The following CAPZA2 variants were observed in gnomAD, a reference collection of about 807,000 sequenced individuals.
CAPZA2 encodes F-actin-capping protein subunit alpha-2.
A neutral mutation model predicts 44.0 loss-of-function variants in CAPZA2; 13 were observed. The ratio of observed to expected loss-of-function variants is 0.30; its 90% CI spans 0.19 to 0.47. The LOEUF is 0.47. Ranked by LOEUF, CAPZA2 falls within the 20% of genes least tolerant of loss-of-function variation. The pLI, the probability that CAPZA2 is intolerant of heterozygous loss-of-function variation, is 1.00. For missense variants in CAPZA2, 244 were observed against 338.6 expected (o/e 0.72, Z 2.19); for synonymous variants, 94 against 108.2 (o/e 0.87, Z 0.81).
chr7:116,891,994 C>A (rs1562960321), intron 2 of CAPZA2, among the ~76,000 whole-genome samples: 1 of 152,124 alleles, frequency 6.6e-6, no homozygotes, highest in Non-Finnish European at 1.5e-5. Context: ...CCCTGTTGTT[C>A]AAATGAATTA....
chr7:116,885,322 C>A (rs898631156), intron 1 of CAPZA2, among the ~76,000 whole-genome samples: 11 of 151,598 alleles, frequency 7.3e-5, no homozygotes, highest in African/African-American at 2.4e-4. Context: ...GGACAAAACA[C>A]CTATGTTTTT....
Position 116,919,671 on chromosome 7 carries a change from C to T in CAPZA2, c.*1804C>T, listed in dbSNP as rs1791737597. On this transcript the variant is annotated 3_prime_UTR_variant, in exon 10 of 10. Coordinates refer to ENST00000361183, the MANE Select transcript of CAPZA2 (RefSeq NM_006136.3). ...ACGGGGTCAGGAGATTGAGACCACCCTGACTAACACAGTGAAACCCTGTCT... is the reference window on the plus strand; with the variant it reads ...ACGGGGTCAGGAGATTGAGACCACCTTGACTAACACAGTGAAACCCTGTCT... The T allele has an allele frequency of 1.3e-5, 2 of 150,126 alleles. No homozygotes were observed. The highest frequency in any genetic ancestry group is 2.9e-5 in the Non-Finnish European group (2 of 67,940). The allele number at this position is 150,126 out of a possible 1,614,324, so 9.3% of individuals were successfully genotyped here. A position where few individuals can be genotyped will look rare whatever the true frequency, so the allele number is the denominator to read the frequency against.
intron 5 of CAPZA2, among the ~76,000 whole-genome samples, chr7:116,905,243 T>C (rs1791479089): frequency 1.3e-5 from 2 of 152,318 alleles, no homozygotes; most frequent in South Asian, 4.1e-4. Flanking sequence ...TGACAGGCTT[T>C]TTTAGCACCC....
At chr7:116,894,264 A>T (rs1444249972) in intron 3 of CAPZA2, among the ~76,000 whole-genome samples, 1 of 151,766 alleles carries the variant, frequency 6.6e-6, no homozygotes, top group African/African-American at 2.4e-5. Flanking sequence ...TGGGAGGCTG[A>T]GGCAGGAGAA....
intron 1 of CAPZA2, 107 bp from the exon 2 acceptor site, chr7:116,888,020 T>C: frequency 1.4e-6 from 1 of 732,710 alleles, no homozygotes; most frequent in African/African-American, 1.8e-5. Flanking sequence ...TTTAAAATCT[T>C]AAGCCATTTT....
chr7:116,886,389 G>A (rs1796762231), intron 1 of CAPZA2, among the ~76,000 whole-genome samples: 3 of 152,030 alleles, frequency 2.0e-5, no homozygotes, highest in Admixed American at 2.0e-4. Context: ...CTCTAACTAG[G>A]AACATCTTCA....
chr7:116,874,012 G>A (rs767336404), intron 1 of CAPZA2: 6 of 152,694 alleles, frequency 3.9e-5, no homozygotes, highest in African/African-American at 7.2e-5. Flanking sequence ...GTGTAAGATT[G>A]TACATTTCCA....
intron 3 of CAPZA2, among the ~76,000 whole-genome samples, chr7:116,895,866 A>G (rs1442615795): frequency 6.6e-6 from 1 of 152,054 alleles, no homozygotes; most frequent in Non-Finnish European, 1.5e-5. Context: ...TTTCTGAGCA[A>G]AAGTAGTGTT....
intron 4 of CAPZA2, among the ~76,000 whole-genome samples, chr7:116,899,406 A>G (rs1796966748): frequency 6.6e-6 from 1 of 151,936 alleles, no homozygotes; most frequent in Admixed American, 6.6e-5. Flanking sequence ...GGTAGAACAT[A>G]AGCGAAAGTG....
At chr7:116,900,911 AG>A (rs1180786314) in intron 4 of CAPZA2, among the ~76,000 whole-genome samples, 1 of 152,164 alleles carries the variant, frequency 6.6e-6, no homozygotes, top group East Asian at 1.9e-4. Context: ...ATGAGAAAAA[AG>A]ATCACCATCA....
chr7:116,867,160 A>G (rs907794907), intron 1 of CAPZA2, among the ~76,000 whole-genome samples: 1 of 152,208 alleles, frequency 6.6e-6, no homozygotes, highest in Non-Finnish European at 1.5e-5. Flanking sequence ...TTATCTCTGC[A>G]TTGACCTGAT....
chr7:116,912,661 G>A (rs1163059831), intron 8 of CAPZA2, among the ~76,000 whole-genome samples: 3 of 152,070 alleles, frequency 2.0e-5, no homozygotes, highest in East Asian at 1.9e-4. Flanking sequence ...GTATTAGTAC[G>A]TTGTTCCTTT....
At chr7:116,890,523 AAAATATATATATATAT>A (rs1796819786) in intron 2 of CAPZA2, among the ~76,000 whole-genome samples, 2 of 38,574 alleles carry the variant, frequency 5.2e-5, no homozygotes, top group Non-Finnish European at 8.7e-5. Context: ...AAAAAAAAAA[AAAATATATATATATAT>A]ATATATATAT....
At chr7:116,879,252 G>T (rs911484800) in intron 1 of CAPZA2, among the ~76,000 whole-genome samples, 2 of 151,252 alleles carry the variant, frequency 1.3e-5, no homozygotes, top group Non-Finnish European at 2.9e-5. Flanking sequence ...AGGTCACATC[G>T]CTAATGACTA....
intron 9 of CAPZA2, among the ~76,000 whole-genome samples, chr7:116,917,308 G>A (rs968482134): frequency 6.6e-6 from 1 of 152,096 alleles, no homozygotes; most frequent in African/African-American, 2.4e-5. Flanking sequence ...AGGCTGGAGT[G>A]CAGTGGCGCG....
At chr7:116,899,459 G>A (rs1183858945) in intron 4 of CAPZA2, among the ~76,000 whole-genome samples, 1 of 151,840 alleles carries the variant, frequency 6.6e-6, no homozygotes, top group Non-Finnish European at 1.5e-5. Flanking sequence ...GGCTAATCAT[G>A]TCAAAGCTTT....
chr7:116,877,904 G>T (rs1796642106), intron 1 of CAPZA2, among the ~76,000 whole-genome samples: 1 of 152,154 alleles, frequency 6.6e-6, no homozygotes, highest in Admixed American at 6.5e-5. Flanking sequence ...CCAGAGGCAG[G>T]ACAGCTTTAT....
chr7:116,897,432 A>G (rs918598295), intron 3 of CAPZA2, among the ~76,000 whole-genome samples: 1 of 152,146 alleles, frequency 6.6e-6, no homozygotes, highest in Non-Finnish European at 1.5e-5. Flanking sequence ...TAATAATTTA[A>G]TTCTACTTTG....
rs561333671 is a variant in CAPZA2 at position 116,902,777 on chromosome 7, C to T, written c.220-1400C>T. On this transcript the variant is annotated intron_variant, in intron 4 of 9. Coordinates refer to ENST00000361183, the MANE Select transcript of CAPZA2 (RefSeq NM_006136.3). ...ATTGAGTCAGGGTCCTGCTCTGTCA[C>T]CCAGGCTGGAGTGCAGTGACACAAT... Among the ~76,000 whole-genome samples, 81 of 152,256 alleles carry T rather than the reference C, an allele frequency of 5.3e-4. 4 individuals are homozygous for T. In the South Asian group the frequency reaches 0.016, roughly 30 times the overall value.
Sources: gnomAD v4.1 joint callset for allele counts (sites outside exome capture counted in the v4.1 genomes callset) on GRCh38, gnomAD v4.1.1 for gene constraint, MANE v1.5 for transcripts, NCBI Gene and HGNC (gene_info 2026-07-23, HGNC 2026-07-21) for gene names.